Variants in FHIT observed in about 807,000 individuals in gnomAD.
FHIT encodes bis(5'-adenosyl)-triphosphatase.
In FHIT, 19 loss-of-function variants were observed where a neutral mutation model predicts 17.9. That is an observed-to-expected ratio of 1.06 (90% CI 0.74 to 1.56). The LOEUF (loss-of-function observed/expected upper bound fraction) is 1.56. FHIT is among the 40% of genes most tolerant of loss of function. The pLI is 0.00. For missense variants in FHIT, 248 were observed against 189.2 expected, an observed-to-expected ratio of 1.31 and a Z score of -1.82; for synonymous variants, 81 against 69.7, an observed-to-expected ratio of 1.16 and a Z score of -0.81.
chr3:60,034,800 T>C (rs1326052768), intron 5 of FHIT, among the ~76,000 whole-genome samples: 1 of 152,196 alleles, frequency 6.6e-6, no homozygotes, highest in East Asian at 1.9e-4. Flanking sequence ...AGAATGATAT[T>C]AAAGCCCTGG....
At chr3:60,045,375 C>T (rs1330151864) in intron 5 of FHIT, among the ~76,000 whole-genome samples, 2 of 151,992 alleles carry the variant, frequency 1.3e-5, no homozygotes, top group Non-Finnish European at 2.9e-5. Context: ...TCACTTCTTA[C>T]ATGGATGGCA....
intron 8 of FHIT, among the ~76,000 whole-genome samples, chr3:59,837,287 C>T (rs182817904): frequency 5.3e-5 from 8 of 152,242 alleles, no homozygotes; most frequent in Admixed American, 3.9e-4. Context: ...ATGTTCAGGT[C>T]GCTGATATAA....
At chr3:60,494,657 TC>T (rs1420975377) in intron 5 of FHIT, among the ~76,000 whole-genome samples, 6 of 152,156 alleles carry the variant, frequency 3.9e-5, no homozygotes, top group Admixed American at 3.3e-4. Context: ...TAATACTCCT[TC>T]TACTTACTAC....
intron 5 of FHIT, among the ~76,000 whole-genome samples, chr3:60,417,845 C>T (rs1702309326): frequency 1.3e-5 from 2 of 152,090 alleles, no homozygotes; most frequent in African/African-American, 2.4e-5. Flanking sequence ...GTAATGGATC[C>T]CAGAGGTCTG....
chr3:60,983,834 G>C (rs1158703377), intron 3 of FHIT, among the ~76,000 whole-genome samples: 2 of 152,160 alleles, frequency 1.3e-5, no homozygotes, highest in African/African-American at 4.8e-5. Flanking sequence ...TTGTCTGGCT[G>C]AGCCCAAGTA....
chr3:61,052,381 G>A (rs540450380), intron 2 of FHIT, among the ~76,000 whole-genome samples: 6 of 152,196 alleles, frequency 3.9e-5, no homozygotes, highest in East Asian at 3.9e-4. Flanking sequence ...TTCGACAGCC[G>A]GTAAATAGCA....
intron 8 of FHIT, among the ~76,000 whole-genome samples, chr3:59,801,715 G>A (rs72886697): frequency 0.041 from 6,172 of 151,990 alleles, 314 homozygotes; most frequent in African/African-American, 0.12. Context: ...CTGGGAGGTA[G>A]GTGTCACCAC....
chr3:60,908,573 A>C (rs1706552845), intron 3 of FHIT, among the ~76,000 whole-genome samples: 1 of 152,162 alleles, frequency 6.6e-6, no homozygotes, highest in South Asian at 2.1e-4. Flanking sequence ...AAATAGACAC[A>C]AAAAGCTATG....
chr3:60,955,610 A>ATATATATATACATATATATATATACATG (rs1709093039), intron 3 of FHIT, among the ~76,000 whole-genome samples: 1 of 13,116 alleles, frequency 7.6e-5, no homozygotes, highest in Non-Finnish European at 1.8e-4. Context: ...ATATATATAT[A>ATATATATATACATATATATATATACATG]TATATATATA....
rs1470217109 is a variant in FHIT at position 61,021,192 on chromosome 3, A to G, written c.-111+20855T>C. ...GACCAAGCAGACCTAACAGACATCT[A>G]CAGAACTCTCCACCCCAAATCAACA... On this transcript the variant is annotated intron_variant, in intron 3 of 9. Transcript: ENST00000492590. Among the ~76,000 whole-genome samples, 3 of 152,204 alleles carry G rather than the reference A, an allele frequency of 2.0e-5. No individual in the cohort carries two copies. In the East Asian group the frequency reaches 5.8e-4, roughly 29 times the overall value.
intron 8 of FHIT, among the ~76,000 whole-genome samples, chr3:59,882,957 T>C (rs1056208015): frequency 5.3e-5 from 8 of 152,158 alleles, no homozygotes; most frequent in African/African-American, 1.9e-4. Flanking sequence ...TCAGTGGAAA[T>C]TATTTTCTTG....
At chr3:59,924,617 A>T (rs557022911) in intron 7 of FHIT, among the ~76,000 whole-genome samples, 1 of 152,352 alleles carries the variant, frequency 6.6e-6, no homozygotes, top group East Asian at 1.9e-4. Flanking sequence ...TATTATTTAA[A>T]AAAACAAATT....
intron 7 of FHIT, among the ~76,000 whole-genome samples, chr3:60,007,104 C>T (rs1699954320): frequency 1.3e-5 from 2 of 152,104 alleles, no homozygotes; most frequent in Admixed American, 6.6e-5. Flanking sequence ...ATAAACAGTT[C>T]TTACAAGATT....
intron 4 of FHIT, among the ~76,000 whole-genome samples, chr3:60,744,802 G>T (rs1553714916): frequency 6.6e-6 from 1 of 152,134 alleles, no homozygotes; most frequent in African/African-American, 2.4e-5. Flanking sequence ...CAATGACAAG[G>T]TAAGGCCCAT....
chr3:60,402,076 T>TC (rs1701679424), intron 5 of FHIT, among the ~76,000 whole-genome samples: 1 of 152,106 alleles, frequency 6.6e-6, no homozygotes, highest in African/African-American at 2.4e-5. Context: ...GGCTATTGTT[T>TC]CCCCCATCCC....
intron 5 of FHIT, among the ~76,000 whole-genome samples, chr3:60,327,185 G>C (rs12494639): frequency 0.38 from 57,493 of 152,050 alleles, 12,260 homozygotes; most frequent in South Asian, 0.56. Flanking sequence ...TTCTTCATCA[G>C]CTTCTTTATC....
At chr3:60,485,657 G>T (rs547854521) in intron 5 of FHIT, among the ~76,000 whole-genome samples, 1 of 151,946 alleles carries the variant, frequency 6.6e-6, no homozygotes, top group Non-Finnish European at 1.5e-5. Context: ...TGTTGGGGGT[G>T]GGGGGCAAGG....
intron 7 of FHIT, among the ~76,000 whole-genome samples, chr3:60,004,376 A>G (rs1303403684): frequency 1.3e-5 from 2 of 152,186 alleles, no homozygotes. Context: ...CTAATTACTG[A>G]GGGGATTTGT....
chr3:60,462,845 C>G (rs1339924584), intron 5 of FHIT, among the ~76,000 whole-genome samples: 1 of 152,164 alleles, frequency 6.6e-6, no homozygotes, highest in African/African-American at 2.4e-5. Context: ...ACTTTTCTGG[C>G]TGTATCTACA....
Sources: allele counts gnomAD v4.1 joint callset (sites outside exome capture counted in the v4.1 genomes callset), GRCh38; gene constraint gnomAD v4.1.1; transcripts MANE v1.5; gene names NCBI Gene and HGNC (gene_info 2026-07-23, HGNC 2026-07-21).